ADAMTS16: variants seen among roughly 807,000 people sequenced by gnomAD.
The protein encoded by ADAMTS16 is ADAM metallopeptidase with thrombospondin type 1 motif 16, also known as A disintegrin and metalloproteinase with thrombospondin motifs 16.
ADAMTS16 carries 94 observed loss-of-function variants against 145.8 expected under a neutral mutation model. That is an observed-to-expected ratio of 0.64 (90% confidence interval 0.55 to 0.77). The LOEUF is 0.77. ADAMTS16 is among the 30% of genes least tolerant of loss of function. The probability of loss-of-function intolerance (pLI) is 0.00; values close to 1 mark genes in which losing one functional copy is unlikely to be tolerated. For synonymous variants in ADAMTS16, 659 were observed against 604.3 expected, an observed-to-expected ratio of 1.09 and a Z score of -1.33; for missense variants, 1,585 against 1,591.5, an observed-to-expected ratio of 1.00 and a Z score of 0.07.
intron 17 of ADAMTS16, among the ~76,000 whole-genome samples, chr5:5,259,154 C>T (rs1737906149): frequency 6.6e-6 from 1 of 152,198 alleles, no homozygotes. Context: ...CTTCCTTTCA[C>T]AGTGACTTCC....
At chr5:5,241,144 A>G (rs919244) in intron 16 of ADAMTS16, among the ~76,000 whole-genome samples, 28,184 of 151,858 alleles carry the variant, frequency 0.19, 2,691 homozygotes, top group East Asian at 0.29. Context: ...TGGGGCCAGG[A>G]CACTCAGGGG....
chr5:5,181,797 G>C (rs2126559383), intron 3 of ADAMTS16, among the ~76,000 whole-genome samples: 2 of 152,288 alleles, frequency 1.3e-5, no homozygotes, highest in East Asian at 3.9e-4. Context: ...CTGGAGTCCA[G>C]TCCTGGAGCA....
intron 21 of ADAMTS16, among the ~76,000 whole-genome samples, chr5:5,312,936 G>A (rs973617129): frequency 2.6e-5 from 4 of 152,172 alleles, no homozygotes; most frequent in Non-Finnish European, 5.9e-5. Flanking sequence ...CTAACCTCTG[G>A]CTGCCAAGCC....
At chr5:5,291,030 C>T (rs1560990728) in intron 18 of ADAMTS16, among the ~76,000 whole-genome samples, 1 of 152,174 alleles carries the variant, frequency 6.6e-6, no homozygotes, top group African/African-American at 2.4e-5. Flanking sequence ...TCAACCTCCC[C>T]ATTCTTCTAA....
intron 17 of ADAMTS16, among the ~76,000 whole-genome samples, chr5:5,248,795 G>A (rs1579340544): frequency 6.6e-6 from 1 of 152,258 alleles, no homozygotes; most frequent in African/African-American, 2.4e-5. Flanking sequence ...GTGGACATAT[G>A]GCTGTCTGTA....
chr5:5,290,683 C>A (rs145537522), intron 18 of ADAMTS16, among the ~76,000 whole-genome samples: 4 of 152,132 alleles, frequency 2.6e-5, no homozygotes, highest in African/African-American at 9.7e-5. Context: ...AAAATAGAGG[C>A]GCTAAAATTC....
rs1553990225 is a variant in ADAMTS16, at chr5:5,200,107, A to AGC, written c.1314-25_1314-24insGC. ...AAACTGTTTTTGTTCTGAAAGAACC[A>AGC]TCTCTCTCTCTCTCTCTCTCATAGC... On this transcript the variant is annotated intron_variant, in intron 8 of 22. Coordinates refer to ENST00000274181, the MANE Select transcript of ADAMTS16 (RefSeq NM_139056.4). The AGC allele has an allele frequency of 1.2e-5, 18 of 1,447,692 alleles. No homozygotes were observed. In the African/African-American group the frequency reaches 1.3e-4, roughly 10 times the overall value. The allele number at this position is 1,447,692 out of a possible 1,614,324, so 89.7% of individuals were successfully genotyped here.
chr5:5,175,427 G>C (rs1387363599), intron 3 of ADAMTS16, among the ~76,000 whole-genome samples: 4 of 152,178 alleles, frequency 2.6e-5, no homozygotes, highest in Non-Finnish European at 5.9e-5. Context: ...TCCTCAAGTA[G>C]AGAGGAGTCT....
intron 22 of ADAMTS16, 77 bp from the exon 23 acceptor site, chr5:5,318,946 C>A (rs1229812379): frequency 4.5e-6 from 5 of 1,122,956 alleles, no homozygotes; most frequent in Admixed American, 4.0e-5. Context: ...CTTTTATTTG[C>A]CAGACAGAGC....
chr5:5,200,889 G>T (rs189299941), intron 9 of ADAMTS16, among the ~76,000 whole-genome samples: 179 of 152,260 alleles, frequency 1.2e-3, no homozygotes, highest in African/African-American at 3.9e-3. Context: ...GGGAGGTAGG[G>T]TTTGATCCTT....
intron 5 of ADAMTS16, among the ~76,000 whole-genome samples, chr5:5,187,119 G>A (rs968206031): frequency 2.0e-5 from 3 of 152,186 alleles, no homozygotes; most frequent in Admixed American, 6.5e-5. Flanking sequence ...GCTCTGACGC[G>A]TGGAAGTGTT....
chr5:5,283,295 C>T (rs1234574249), intron 18 of ADAMTS16, among the ~76,000 whole-genome samples: 1 of 152,216 alleles, frequency 6.6e-6, no homozygotes, highest in Admixed American at 6.5e-5. Context: ...ATTATGGAAA[C>T]ATTCACTTAT....
intron 21 of ADAMTS16, among the ~76,000 whole-genome samples, chr5:5,316,167 G>A (rs1561008333): frequency 6.6e-6 from 1 of 152,176 alleles, no homozygotes. Flanking sequence ...TTTGGGCTGT[G>A]GAGAACCAGC....
At chr5:5,191,101 C>T (rs147285006) in intron 7 of ADAMTS16, among the ~76,000 whole-genome samples, 1 of 152,186 alleles carries the variant, frequency 6.6e-6, no homozygotes, top group Non-Finnish European at 1.5e-5. Flanking sequence ...TCCTGTGTGA[C>T]TCTGCAGGGC....
At chr5:5,177,145 G>A (rs909997024) in intron 3 of ADAMTS16, among the ~76,000 whole-genome samples, 1 of 152,210 alleles carries the variant, frequency 6.6e-6, no homozygotes, top group Non-Finnish European at 1.5e-5. Flanking sequence ...AGGAACTGGG[G>A]TTTGCGAGAA....
intron 17 of ADAMTS16, 37 bp downstream of exon 17, chr5:5,242,228 G>A (rs776519205): frequency 1.9e-6 from 3 of 1,608,760 alleles, no homozygotes; most frequent in Non-Finnish European, 2.5e-6. Context: ...GAGGCAGCAT[G>A]TCAGCCTTCA....
chr5:5,259,644 G>A (rs1737928037), intron 17 of ADAMTS16, among the ~76,000 whole-genome samples: 1 of 152,234 alleles, frequency 6.6e-6, no homozygotes, highest in South Asian at 2.1e-4. Context: ...GGGAAAAGGA[G>A]CAGGCAGGGA....
intron 18 of ADAMTS16, among the ~76,000 whole-genome samples, chr5:5,287,657 G>A (rs1432765859): frequency 6.6e-6 from 1 of 152,180 alleles, no homozygotes; most frequent in Non-Finnish European, 1.5e-5. Context: ...CTCCGGGCGG[G>A]ATATTGATGT....
intron 8 of ADAMTS16, among the ~76,000 whole-genome samples, 155 bp downstream of exon 8, chr5:5,191,945 A>G (rs1418393122): frequency 6.6e-6 from 1 of 152,070 alleles, no homozygotes; most frequent in Non-Finnish European, 1.5e-5. Context: ...GTCACTTAGG[A>G]CTTCTGTTTC....
Sources: allele counts gnomAD v4.1 joint callset (sites outside exome capture counted in the v4.1 genomes callset), GRCh38; gene constraint gnomAD v4.1.1; transcripts MANE v1.5; gene names NCBI Gene and HGNC (gene_info 2026-07-23, HGNC 2026-07-21).